The following SLC24A2 variants were observed in gnomAD, a reference collection of about 807,000 sequenced individuals.
SLC24A2 encodes sodium/potassium/calcium exchanger 2.
In SLC24A2, 36 loss-of-function variants were observed where a neutral mutation model predicts 62.0. That is an observed-to-expected ratio of 0.58 (90% CI 0.44 to 0.77). The LOEUF (loss-of-function observed/expected upper bound fraction) is 0.77. SLC24A2 is among the 30% of genes least tolerant of loss of function. The pLI is 0.00. For missense variants in SLC24A2, 846 were observed against 817.9 expected (o/e 1.03, Z -0.42); for synonymous variants, 358 against 294.0 (o/e 1.22, Z -2.23).
chr9:20,295,763 G>C, the SLC24A2 span, among the ~76,000 whole-genome samples: 2 of 152,154 alleles, frequency 1.3e-5, no homozygotes, highest in African/African-American at 4.8e-5. Flanking sequence ...TACACCATCT[G>C]CTTTCTAGGT....
At chr9:19,704,391 AAG>A (rs761294032) in intron 2 of SLC24A2, among the ~76,000 whole-genome samples, 1 of 135,056 alleles carries the variant, frequency 7.4e-6, no homozygotes, top group South Asian at 2.3e-4. Flanking sequence ...GAAATAGGGA[AAG>A]AGAGAGAGAG....
At chr9:19,866,924 G>A in the SLC24A2 span, among the ~76,000 whole-genome samples, 2 of 152,030 alleles carry the variant, frequency 1.3e-5, no homozygotes, top group East Asian at 1.9e-4. Context: ...AAGGGTACTG[G>A]GGGGGTTGGA....
chr9:19,588,526 C>G (rs763687245), intron 5 of SLC24A2, among the ~76,000 whole-genome samples: 11 of 152,158 alleles, frequency 7.2e-5, no homozygotes, highest in South Asian at 2.1e-4. Flanking sequence ...TCTACCATAA[C>G]TGCACTCTGT....
At chr9:19,688,012 G>T (rs1015126424) in intron 2 of SLC24A2, among the ~76,000 whole-genome samples, 10 of 151,972 alleles carry the variant, frequency 6.6e-5, no homozygotes, top group African/African-American at 2.4e-4. Context: ...TCATTAAACT[G>T]CCAGGCAATA....
the SLC24A2 span, among the ~76,000 whole-genome samples, chr9:20,238,674 T>G: frequency 6.6e-6 from 1 of 152,256 alleles, no homozygotes; most frequent in Non-Finnish European, 1.5e-5. Context: ...CTTGTTTGCA[T>G]GCTTTGGGAC....
the SLC24A2 span, among the ~76,000 whole-genome samples, chr9:20,213,371 T>C: frequency 6.6e-6 from 1 of 151,452 alleles, no homozygotes; most frequent in Admixed American, 6.6e-5. Context: ...TTTTCATTAT[T>C]AAGCAAGAAA....
intron 7 of SLC24A2, among the ~76,000 whole-genome samples, chr9:19,556,260 T>G (rs1835082584): frequency 6.6e-6 from 1 of 151,692 alleles, no homozygotes; most frequent in Non-Finnish European, 1.5e-5. Flanking sequence ...TTGAATTTGG[T>G]ATAGAAGTTT....
chr9:20,124,186 C>T, the SLC24A2 span, among the ~76,000 whole-genome samples: 6 of 152,144 alleles, frequency 3.9e-5, no homozygotes, highest in South Asian at 1.0e-3. Flanking sequence ...CGATTCCTCC[C>T]AATATATCCT....
chr9:19,649,147 G>T (rs1198012634), intron 2 of SLC24A2, among the ~76,000 whole-genome samples: 4 of 152,058 alleles, frequency 2.6e-5, no homozygotes, highest in Non-Finnish European at 1.5e-5. Context: ...TCAGATATTA[G>T]CCAACTTGTA....
the SLC24A2 span, among the ~76,000 whole-genome samples, chr9:20,255,191 C>A: frequency 1.3e-5 from 2 of 152,170 alleles, no homozygotes; most frequent in East Asian, 3.8e-4. Context: ...TAATCACTTA[C>A]CACTTAGCTG....
intron 4 of SLC24A2, among the ~76,000 whole-genome samples, chr9:19,619,123 C>G (rs1186458967): frequency 1.3e-5 from 2 of 152,178 alleles, no homozygotes; most frequent in Non-Finnish European, 2.9e-5. Flanking sequence ...TCAGTACACT[C>G]TCAACGTTCT....
At chr9:20,190,197 A>G in the SLC24A2 span, among the ~76,000 whole-genome samples, 2 of 152,080 alleles carry the variant, frequency 1.3e-5, no homozygotes, top group African/African-American at 4.8e-5. Flanking sequence ...TTGTTTCTCC[A>G]TTTCTGGAGA....
intron 4 of SLC24A2, among the ~76,000 whole-genome samples, chr9:19,600,321 C>T (rs957423193): frequency 4.6e-5 from 7 of 152,196 alleles, no homozygotes; most frequent in Non-Finnish European, 8.8e-5. Context: ...TTCTCCCTTA[C>T]GTATATTACT....
the SLC24A2 span, among the ~76,000 whole-genome samples, chr9:19,804,223 G>A: frequency 6.6e-6 from 1 of 151,996 alleles, no homozygotes; most frequent in African/African-American, 2.4e-5. Flanking sequence ...GGAGAGAATT[G>A]CCATTTTAAT....
chr9:19,526,720 T>C (rs2132655843), intron 9 of SLC24A2, among the ~76,000 whole-genome samples: 1 of 152,138 alleles, frequency 6.6e-6, no homozygotes, highest in South Asian at 2.1e-4. Context: ...ATTATGGAGC[T>C]TTAAGCTTGT....
At chr9:19,903,136 G>A in the SLC24A2 span, among the ~76,000 whole-genome samples, 16 of 151,896 alleles carry the variant, frequency 1.1e-4, no homozygotes, top group South Asian at 2.1e-3. Context: ...CTGAGAGAGC[G>A]TCTTGGTTAG....
the SLC24A2 span, among the ~76,000 whole-genome samples, chr9:20,110,666 T>C: frequency 6.6e-6 from 1 of 152,136 alleles, no homozygotes; most frequent in Non-Finnish European, 1.5e-5. Context: ...TTTGGTGAAT[T>C]GTCTTGACTC....
the SLC24A2 span, among the ~76,000 whole-genome samples, chr9:19,813,897 C>G: frequency 6.6e-6 from 1 of 152,066 alleles, no homozygotes; most frequent in Non-Finnish European, 1.5e-5. Context: ...CAGTAAATCT[C>G]AGGCACCTTG....
chr9:20,298,894 C>T, the SLC24A2 span, among the ~76,000 whole-genome samples: 2 of 152,206 alleles, frequency 1.3e-5, no homozygotes, highest in African/African-American at 4.8e-5. Context: ...CTAGTTGGGG[C>T]AGACTGAGGC....
Sources: gnomAD v4.1 joint callset for allele counts (sites outside exome capture counted in the v4.1 genomes callset) on GRCh38, gnomAD v4.1.1 for gene constraint, MANE v1.5 for transcripts, NCBI Gene and HGNC (gene_info 2026-07-23, HGNC 2026-07-21) for gene names.